Variants in PLEKHA7 observed in about 807,000 individuals in gnomAD.
PLEKHA7 encodes pleckstrin homology domain-containing family A member 7.
PLEKHA7 carries 104 observed loss-of-function variants against 170.0 expected under a neutral mutation model. The observed-to-expected ratio is 0.61, with a 90% CI of 0.52 to 0.72. PLEKHA7 has a LOEUF of 0.72. Among genes scored for constraint, PLEKHA7 ranks in the 30% least tolerant of loss-of-function variants. The probability of loss-of-function intolerance (pLI) is 0.00; values close to 1 mark genes in which losing one functional copy is unlikely to be tolerated. For synonymous variants in PLEKHA7, 648 were observed against 660.8 expected (o/e 0.98, Z 0.30); for missense variants, 1,615 against 1,671.7 (o/e 0.97, Z 0.59).
At chr11:16,891,591 A>T (rs574057528) in intron 3 of PLEKHA7, among the ~76,000 whole-genome samples, 4 of 152,244 alleles carry the variant, frequency 2.6e-5, no homozygotes, top group Non-Finnish European at 5.9e-5. Context: ...CTACAAATCC[A>T]ATTAGTCAAC....
At position 16,855,751 on chromosome 11, in the gene PLEKHA7, C is replaced by G. The variant is rs921701281; in HGVS notation, c.417+52G>C. 2.9e-6 allele frequency: 4 copies of G among 1,391,676 alleles called. 1 individual carries two copies. Among genetic ancestry groups the G allele is most frequent in the Non-Finnish European group, 1.0e-6 (1 of 993,470 alleles). The allele number at this position is 1,391,676 out of a possible 1,614,324, so 86.2% of individuals were successfully genotyped here. On this transcript the variant is annotated intron_variant, in intron 5 of 26. Transcript: ENST00000531066. Reference sequence around the variant, plus strand: ...AAATGGACTTCTGGTTACAAAGGGGCTTGGCAAAATATAAAAGAAGGGAAG... The same window carrying G: ...AAATGGACTTCTGGTTACAAAGGGGGTTGGCAAAATATAAAAGAAGGGAAG...
intron 3 of PLEKHA7, among the ~76,000 whole-genome samples, chr11:16,879,727 A>G (rs1489750334): frequency 1.3e-5 from 2 of 152,234 alleles, no homozygotes; most frequent in African/African-American, 4.8e-5. Flanking sequence ...TAAAGCCCTC[A>G]CAACTTGCAA....
At chr11:16,945,209 A>G (rs2136442629) in intron 3 of PLEKHA7, among the ~76,000 whole-genome samples, 1 of 152,304 alleles carries the variant, frequency 6.6e-6, no homozygotes, top group South Asian at 2.1e-4. Context: ...GTGCTGGAAT[A>G]ACAAGTGTGA....
At chr11:16,985,832 C>T (rs1863694432) in intron 3 of PLEKHA7, among the ~76,000 whole-genome samples, 1 of 152,234 alleles carries the variant, frequency 6.6e-6, no homozygotes, top group African/African-American at 2.4e-5. Context: ...AGGCACCCTC[C>T]TTTTGTTCAC....
chr11:16,939,768 A>G (rs1332336889), intron 3 of PLEKHA7, among the ~76,000 whole-genome samples: 1 of 152,106 alleles, frequency 6.6e-6, no homozygotes, highest in African/African-American at 2.4e-5. Flanking sequence ...CTCCACCCCA[A>G]CAAGGCCTTC....
intron 9 of PLEKHA7, among the ~76,000 whole-genome samples, chr11:16,835,161 T>C (rs1010207657): frequency 6.6e-6 from 1 of 152,060 alleles, no homozygotes; most frequent in African/African-American, 2.4e-5. Context: ...GTCCTAGCTA[T>C]TTGGGAGGCT....
rs749302541 is a variant in PLEKHA7, at chr11:16,855,787, G to C, written c.417+16C>G. On this transcript the variant is annotated intron_variant, in intron 5 of 26. Coordinates refer to ENST00000531066, the MANE Select transcript of PLEKHA7 (RefSeq NM_001329630.2). Reference sequence around the variant, plus strand: ...ATAAAAGAAGGGAAGGAAGGAACAAGTGGCCAGGAGCTCACCTTGGGTCCA... The same window carrying C: ...ATAAAAGAAGGGAAGGAAGGAACAACTGGCCAGGAGCTCACCTTGGGTCCA... 6 of 1,557,032 alleles carry C rather than the reference G, an allele frequency of 3.9e-6. No individual in the cohort carries two copies. In the Admixed American group the frequency reaches 5.4e-5, roughly 14 times the overall value.
chr11:16,875,613 A>G (rs1855227607), intron 3 of PLEKHA7, among the ~76,000 whole-genome samples: 1 of 151,798 alleles, frequency 6.6e-6, no homozygotes, highest in South Asian at 2.1e-4. Flanking sequence ...ATGCCCGGCT[A>G]ATTTTTTTTT....
chr11:16,863,398 G>A (rs1315475228), intron 4 of PLEKHA7, among the ~76,000 whole-genome samples: 4 of 152,156 alleles, frequency 2.6e-5, no homozygotes, highest in Non-Finnish European at 4.4e-5. Flanking sequence ...AACTCACTGG[G>A]ATGCTGGGAA....
chr11:16,981,709 A>G (rs1438709755), intron 3 of PLEKHA7, among the ~76,000 whole-genome samples: 1 of 151,996 alleles, frequency 6.6e-6, no homozygotes, highest in Non-Finnish European at 1.5e-5. Flanking sequence ...AGGAATGAGG[A>G]GGAGTGGGCC....
intron 3 of PLEKHA7, among the ~76,000 whole-genome samples, chr11:16,984,901 G>A (rs958570540): frequency 3.9e-5 from 6 of 152,190 alleles, no homozygotes; most frequent in African/African-American, 1.4e-4. Flanking sequence ...GGAAACTGAA[G>A]CTCAGAAAAG....
chr11:16,987,376 T>C (rs1863799775), intron 3 of PLEKHA7, among the ~76,000 whole-genome samples: 1 of 151,898 alleles, frequency 6.6e-6, no homozygotes, highest in Non-Finnish European at 1.5e-5. Context: ...AACCAGCTCC[T>C]TTGGTAAATA....
chr11:16,841,773 C>T lies in PLEKHA7; in HGVS notation c.697-51G>A, dbSNP rs760813994. On this transcript the variant is annotated intron_variant, in intron 8 of 26. Transcript: ENST00000531066. ...TCAGAGGGAGGTTATCACACATTTCCTTTATAGGAGCAAAAGCAAGGAGGC... is the reference window on the plus strand; with the variant it reads ...TCAGAGGGAGGTTATCACACATTTCTTTTATAGGAGCAAAAGCAAGGAGGC... 1.5e-5 allele frequency: 24 copies of T among 1,572,746 alleles called. No individual in the cohort carries two copies. The South Asian group carries it at 2.8e-4, about 18-fold the overall frequency.
At chr11:16,837,560 C>A (rs1226958903) in intron 9 of PLEKHA7, among the ~76,000 whole-genome samples, 1 of 152,146 alleles carries the variant, frequency 6.6e-6, no homozygotes, top group East Asian at 1.9e-4. Context: ...AGGCGGGGCA[C>A]AAATCCATAG....
At chr11:16,907,133 G>A (rs1201038558) in intron 3 of PLEKHA7, among the ~76,000 whole-genome samples, 5 of 85,246 alleles carry the variant, frequency 5.9e-5, no homozygotes, top group African/African-American at 2.0e-4. Flanking sequence ...CCCCCCGCCC[G>A]GCCAGCCGCC....
At chr11:16,788,552 G>T in intron 23 of PLEKHA7, 4 of 156,280 alleles carry the variant, frequency 2.6e-5, no homozygotes, top group Admixed American at 6.4e-5. Flanking sequence ...GCAGCGCCAG[G>T]AAGCGCCACC....
chr11:16,805,316 G>A (rs1357323777), intron 13 of PLEKHA7, among the ~76,000 whole-genome samples: 1 of 152,108 alleles, frequency 6.6e-6, no homozygotes, highest in African/African-American at 2.4e-5. Context: ...ATATAAAAAG[G>A]ACATTTTGAG....
intron 3 of PLEKHA7, among the ~76,000 whole-genome samples, chr11:17,010,736 T>C (rs1865276308): frequency 6.6e-6 from 1 of 152,248 alleles, no homozygotes; most frequent in Non-Finnish European, 1.5e-5. Context: ...GCCATGTCAA[T>C]GCTTTGTCGC....
At chr11:16,892,578 T>A (rs61882035) in intron 3 of PLEKHA7, among the ~76,000 whole-genome samples, 16,345 of 149,270 alleles carry the variant, frequency 0.11, 1,099 homozygotes, top group East Asian at 0.16. Context: ...CCAAAGTAGC[T>A]GGGACCACAG....
Sources: gnomAD v4.1 joint callset for allele counts (sites outside exome capture counted in the v4.1 genomes callset) on GRCh38, gnomAD v4.1.1 for gene constraint, MANE v1.5 for transcripts, NCBI Gene and HGNC (gene_info 2026-07-23, HGNC 2026-07-21) for gene names.